Variants in CEP290 observed in about 807,000 individuals in gnomAD.
CEP290 encodes the protein centrosomal protein 290.
In CEP290, 317 loss-of-function variants were observed where a neutral mutation model predicts 344.9. That is an observed-to-expected ratio of 0.92 (90% CI 0.84 to 1.01). The LOEUF (loss-of-function observed/expected upper bound fraction) is 1.01. Ranked by LOEUF, CEP290 falls within the 50% of genes least tolerant of loss-of-function variation. The probability of loss-of-function intolerance (pLI) is 0.00; values close to 1 mark genes in which losing one functional copy is unlikely to be tolerated. For missense variants in CEP290, 2,754 were observed against 2,761.4 expected (o/e 1.00, Z 0.06); for synonymous variants, 932 against 895.8 (o/e 1.04, Z -0.72).
At chr12:88,104,850 T>C (rs1023557318) in intron 25 of CEP290, among the ~76,000 whole-genome samples, 1 of 152,056 alleles carries the variant, frequency 6.6e-6, no homozygotes, top group Non-Finnish European at 1.5e-5. Context: ...TATTTTAATG[T>C]TAATAATAAA....
intron 23 of CEP290, 125 bp downstream of exon 23, chr12:88,108,939 TAA>T: frequency 2.2e-6 from 1 of 456,004 alleles, no homozygotes; most frequent in Non-Finnish European, 3.9e-6. Flanking sequence ...GTTACCAGAG[TAA>T]AAAAAAATAC....
chr12:88,090,216 T>C (rs756415267), intron 30 of CEP290, among the ~76,000 whole-genome samples: 40 of 152,226 alleles, frequency 2.6e-4, no homozygotes, highest in Non-Finnish European at 5.3e-4. Flanking sequence ...AGCAGCATAA[T>C]TCATCTATAG....
chr12:88,093,381 G>C (rs2037190231), intron 28 of CEP290, among the ~76,000 whole-genome samples: 1 of 151,950 alleles, frequency 6.6e-6, no homozygotes, highest in African/African-American at 2.4e-5. Flanking sequence ...CCACCAATTA[G>C]AATGTAAAGT....
At chr12:88,129,622 C>T (rs1592670832) in intron 10 of CEP290, 72 bp downstream of exon 10, 1 of 877,544 alleles carries the variant, frequency 1.1e-6, no homozygotes, top group Non-Finnish European at 1.7e-6. Context: ...AAAGTACTTT[C>T]TAGTGTCAAA....
chr12:88,107,030 A>C lies in CEP290; in HGVS notation c.2552T>G (p.Val851Gly), dbSNP rs1479349959. The C allele has an allele frequency of 6.4e-7, 1 of 1,554,578 alleles. No individual in the cohort carries two copies. The highest frequency in any genetic ancestry group is 8.7e-7 in the Non-Finnish European group (1 of 1,150,902). ...TTTTACTTTTATAGCATCTTGTTGG[A>C]CTTGATCCTCAAGTTTTCTCTTTTC... ...KEEKRKLEDQ[V>G]QQDAIKVKEY... Residue 851 changes from valine to glycine, a missense_variant, in exon 24 of 54, where the codon GTC becomes GGC. Physicochemically the swap from Val to Gly is moderately radical, Grantham distance 109. Coordinates refer to ENST00000552810, the MANE Select transcript of CEP290 (RefSeq NM_025114.4).
At chr12:88,091,936 CAG>C (rs1358316259) in intron 29 of CEP290, among the ~76,000 whole-genome samples, 1 of 151,986 alleles carries the variant, frequency 6.6e-6, no homozygotes, top group Non-Finnish European at 1.5e-5. Context: ...GTTTGTTTGA[CAG>C]AGTCTCGCTC....
intron 46 of CEP290, among the ~76,000 whole-genome samples, chr12:88,061,199 T>C (rs1205648204): frequency 6.6e-6 from 1 of 152,162 alleles, no homozygotes; most frequent in Non-Finnish European, 1.5e-5. Flanking sequence ...CTTAGGAAAT[T>C]TGACATTCCT....
At chr12:88,120,898 G>T in intron 14 of CEP290, 99 bp downstream of exon 14, 1 of 915,468 alleles carries the variant, frequency 1.1e-6, no homozygotes, top group Non-Finnish European at 1.6e-6. Flanking sequence ...AGATACTTAT[G>T]GAATGTTTTT....
Position 88,096,916 on chromosome 12 carries a change from T to C in CEP290, c.3075A>G (p.Glu1025=). Residue 1025 remains glutamate (E), a synonymous_variant, in exon 27 of 54, where the codon GAA becomes GAG. Transcript: ENST00000552810. ...EITKEKLHTI[E]QAWEQETKLG... ...ATTTAGTTTCCTGTTCCCAGGCTTG[T>C]TCAATAGTGTGAAGTTTTTCCTTGG... The C allele has an allele frequency of 6.3e-7, 1 of 1,577,528 alleles. No homozygotes were observed. Among genetic ancestry groups the C allele is most frequent in the Non-Finnish European group, 8.6e-7 (1 of 1,157,852 alleles).
intron 44 of CEP290, among the ~76,000 whole-genome samples, chr12:88,067,449 G>A (rs749386118): frequency 1.3e-5 from 2 of 152,130 alleles, no homozygotes; most frequent in East Asian, 1.9e-4. Flanking sequence ...TTTCTTGGCT[G>A]GACTGACGCA....
chr12:88,077,217 C>T lies in CEP290; in HGVS notation c.5709+5G>A, dbSNP rs2035845308. The T allele has an allele frequency of 1.3e-6, 2 of 1,599,878 alleles. No homozygotes were observed. Among genetic ancestry groups the T allele is most frequent in the African/African-American group, 2.7e-5 (2 of 74,102 alleles). Reference sequence around the variant, plus strand: ...GCATATAAGTCAGTATGTTTCTTCACATACCTTTTCTTTCATAGGTTTTAG... The same window carrying T: ...GCATATAAGTCAGTATGTTTCTTCATATACCTTTTCTTTCATAGGTTTTAG... On this transcript the variant is annotated splice_donor_5th_base_variant and intron_variant, in intron 41 of 53. Transcript: ENST00000552810.
Position 88,054,728 on chromosome 12 carries a change from G to A in CEP290, c.6961-315C>T, listed in dbSNP as rs115297252. Among the ~76,000 whole-genome samples, 387 of 152,194 alleles carry A rather than the reference G, an allele frequency of 2.5e-3. 1 individual carries two copies. The highest frequency in any genetic ancestry group is 8.9e-3 in the African/African-American group (369 of 41,552). The stretch of plus-strand genomic sequence containing the variant: ...TGATGTAATATAGTGCCAGATGGTA[G>A]GAAGAGCTATCAAGAAAAAATAATC... On this transcript the variant is annotated intron_variant, in intron 50 of 53. Transcript: ENST00000552810.
chr12:88,139,598 T>A, intron 3 of CEP290, 34 bp from the exon 4 acceptor site: 1 of 1,430,524 alleles, frequency 7.0e-7, no homozygotes, highest in Non-Finnish European at 9.3e-7. Context: ...TCAATATGCC[T>A]TTATACTGGA....
chr12:88,092,626 A>G (rs564372669), intron 29 of CEP290, 55 bp downstream of exon 29: 673 of 1,502,580 alleles, frequency 4.5e-4, no homozygotes, highest in Admixed American at 9.6e-4. Context: ...TTTCTTAAAG[A>G]CAAATTAAAG....
At chr12:88,069,378 CATT>C (rs2035190705) in intron 43 of CEP290, among the ~76,000 whole-genome samples, 1 of 151,704 alleles carries the variant, frequency 6.6e-6, no homozygotes, top group East Asian at 1.9e-4. Context: ...CATGAACTCA[CATT>C]ATTAGAGAAA....
chr12:88,066,981 A>T (rs2034989656), intron 44 of CEP290, among the ~76,000 whole-genome samples: 1 of 152,178 alleles, frequency 6.6e-6, no homozygotes, highest in South Asian at 2.1e-4. Context: ...TCATTATAAC[A>T]AAATTATCTG....
chr12:88,064,450 C>T (rs1396617962), intron 44 of CEP290, among the ~76,000 whole-genome samples: 3 of 151,990 alleles, frequency 2.0e-5, no homozygotes, highest in South Asian at 2.1e-4. Context: ...GTTATCTAAC[C>T]GTTATGGGTT....
At chr12:88,125,092 ATATAAG>A (rs376254906) in intron 13 of CEP290, among the ~76,000 whole-genome samples, 148 bp downstream of exon 13, 17 of 152,050 alleles carry the variant, frequency 1.1e-4, no homozygotes, top group African/African-American at 4.1e-4. Context: ...AGCACTAGTA[ATATAAG>A]TATAATAATA....
chr12:88,089,677 C>G (rs1345121526), intron 30 of CEP290, among the ~76,000 whole-genome samples, 190 bp from the exon 31 acceptor site: 1 of 150,030 alleles, frequency 6.7e-6, no homozygotes, highest in Non-Finnish European at 1.5e-5. Context: ...TAGAATCAAA[C>G]AAACTTAAAA....
Sources: allele counts gnomAD v4.1 joint callset (sites outside exome capture counted in the v4.1 genomes callset), GRCh38; gene constraint gnomAD v4.1.1; transcripts MANE v1.5; gene names NCBI Gene and HGNC (gene_info 2026-07-23, HGNC 2026-07-21).